The following OSBPL5 variants were observed in gnomAD, a reference collection of about 807,000 sequenced individuals.
The protein encoded by OSBPL5 is oxysterol binding protein like 5.
Under a neutral mutation model 111.2 loss-of-function variants are expected in OSBPL5, and 71 were observed. The ratio of observed to expected loss-of-function variants is 0.64; its 90% CI spans 0.53 to 0.78. The LOEUF (loss-of-function observed/expected upper bound fraction) is 0.78, where lower values mean the gene tolerates loss of function less well. Ranked by LOEUF, OSBPL5 falls within the 30% of genes least tolerant of loss-of-function variation. OSBPL5 has a pLI of 0.00. For synonymous variants in OSBPL5, 549 were observed against 513.9 expected (o/e 1.07, Z -0.93); for missense variants, 1,210 against 1,189.3 (o/e 1.02, Z -0.26).
At chr11:3,122,470 C>T (rs371383652) in intron 3 of OSBPL5, 42 bp from the exon 4 acceptor site, 54 of 1,589,108 alleles carry the variant, frequency 3.4e-5, no homozygotes, top group South Asian at 1.7e-4. Context: ...GCACAGGGGC[C>T]GGCCCAGGGC....
At chr11:3,149,310 G>C (rs1351590399) in intron 1 of OSBPL5, among the ~76,000 whole-genome samples, 6 of 152,190 alleles carry the variant, frequency 3.9e-5, no homozygotes. Context: ...GCATGGGCTG[G>C]GGGGGCAGTC....
At position 3,087,842 on chromosome 11, in the gene OSBPL5, T is replaced by C. The variant is rs78899285; in HGVS notation, c.*363A>G. Reference sequence around the variant, plus strand: ...CCACTCACTGCTGCTGGGGTGTGACTGTCCAGGGCCCCCACAGGCCCTCCC... The same window carrying C: ...CCACTCACTGCTGCTGGGGTGTGACCGTCCAGGGCCCCCACAGGCCCTCCC... On this transcript the variant is annotated 3_prime_UTR_variant, in exon 22 of 22. Transcript: ENST00000263650. The C allele has an allele frequency of 6.4e-4, 113 of 175,756 alleles. 1 individual carries two copies. Among genetic ancestry groups the C allele is most frequent in the Middle Eastern group, 4.6e-3 (2 of 432 alleles). The allele number at this position is 175,756 out of a possible 1,614,324, so 10.9% of individuals were successfully genotyped here. A position where few individuals can be genotyped will look rare whatever the true frequency, so the allele number is the denominator to read the frequency against.
Position 3,154,765 on chromosome 11 carries a change from G to T in OSBPL5, c.-22+10451C>A, listed in dbSNP as rs545560091. 6.6e-6 allele frequency among the ~76,000 whole-genome samples: 1 copy of T among 152,114 alleles called. No homozygotes were observed. Among genetic ancestry groups the T allele is most frequent in the East Asian group, 1.9e-4 (1 of 5,190 alleles). ...CTCAGCCCCTAGGACCTGAGAAAGC[G>T]GCTGTACTTGGAGATGGGGTCTTTA... On this transcript the variant is annotated intron_variant, in intron 1 of 21. Coordinates refer to ENST00000263650, the MANE Select transcript of OSBPL5 (RefSeq NM_020896.4). The surrounding 1 kb of genome is among the most constrained non-coding windows in gnomAD (Gnocchi z 4.9).
chr11:3,147,932 G>A (rs1373870020), intron 1 of OSBPL5, among the ~76,000 whole-genome samples: 3 of 152,052 alleles, frequency 2.0e-5, no homozygotes, highest in Non-Finnish European at 4.4e-5. Flanking sequence ...TGGCCTCACC[G>A]AGCTGCCCTC....
At position 3,142,624 on chromosome 11, in the gene OSBPL5, G is replaced by C. The variant is rs1053998307; in HGVS notation, c.-21-13455C>G. On this transcript the variant is annotated intron_variant, in intron 1 of 21. Transcript: ENST00000263650. The surrounding 1 kb of genome is among the most constrained non-coding windows in gnomAD (Gnocchi z 7.1). ...CACCGTCTCGCGGGTGGAGAGCCTGGGTGGTGCGTTTATCAACAGGACCGC... is the reference window on the plus strand; with the variant it reads ...CACCGTCTCGCGGGTGGAGAGCCTGCGTGGTGCGTTTATCAACAGGACCGC... 3.9e-5 allele frequency among the ~76,000 whole-genome samples: 6 copies of C among 152,222 alleles called. No homozygotes were observed. Among genetic ancestry groups the C allele is most frequent in the Admixed American group, 2.6e-4 (4 of 15,290 alleles).
At position 3,122,872 on chromosome 11, in the gene OSBPL5, C is replaced by T. The variant is rs187957724; in HGVS notation, c.220-444G>A. Among the ~76,000 whole-genome samples, 284 of 152,310 alleles carry T rather than the reference C, an allele frequency of 1.9e-3. 4 individuals carry two copies. The highest frequency in any genetic ancestry group is 9.3e-3 in the East Asian group (48 of 5,186). ...AGTTCGCAGAAGAGGAGCTCGGCGG[C>T]GGCCATGAGATGGTGGCAACAAGCA... On this transcript the variant is annotated intron_variant, in intron 3 of 21. Transcript: ENST00000263650.
In OSBPL5 at chr11:3,100,000, A is replaced by G. The variant is rs377427178; in HGVS notation, c.1621+158T>C. 8.1e-5 allele frequency among the ~76,000 whole-genome samples: 12 copies of G among 148,148 alleles called. No individual in the cohort carries two copies. In the East Asian group the frequency reaches 2.4e-3, roughly 30 times the overall value. On this transcript the variant is annotated intron_variant, in intron 14 of 21. Transcript: ENST00000263650. ...GCCATTGCACTCCAGCCTGGGCAAC[A>G]AGAGCGAAACTCCATCTCAAAAAAA...
At chr11:3,120,305 G>A in intron 6 of OSBPL5, 116 bp downstream of exon 6, 1 of 1,310,860 alleles carries the variant, frequency 7.6e-7, no homozygotes, top group Non-Finnish European at 1.0e-6. Context: ...TGAGACACCT[G>A]CTCAAGGCCC....
chr11:3,115,745 A>G (rs1398108546), intron 7 of OSBPL5, among the ~76,000 whole-genome samples: 1 of 152,252 alleles, frequency 6.6e-6, no homozygotes, highest in Non-Finnish European at 1.5e-5. Context: ...TGGAAGTTAT[A>G]TCTTATGATC....
chr11:3,089,971 AAAG>A (rs1857003110), intron 20 of OSBPL5, 23 bp from the exon 21 acceptor site: 3 of 1,499,834 alleles, frequency 2.0e-6, no homozygotes, highest in African/African-American at 2.8e-5. Flanking sequence ...CGAGTGAGAC[AAAG>A]GAGGGGAGGG....
intron 1 of OSBPL5, among the ~76,000 whole-genome samples, chr11:3,147,892 G>C (rs1846414572): frequency 6.6e-6 from 1 of 152,170 alleles, no homozygotes; most frequent in Non-Finnish European, 1.5e-5. Flanking sequence ...CCAAGAGCCT[G>C]TTCTTGCGAC....
intron 1 of OSBPL5, among the ~76,000 whole-genome samples, chr11:3,139,831 C>T (rs568217513): frequency 3.7e-4 from 56 of 152,370 alleles, no homozygotes; most frequent in African/African-American, 1.1e-3. Flanking sequence ...GGCCCAGCCA[C>T]GCGCCCTGAA....
intron 14 of OSBPL5, among the ~76,000 whole-genome samples, chr11:3,098,213 A>C (rs1301947257): frequency 6.6e-6 from 1 of 152,064 alleles, no homozygotes; most frequent in African/African-American, 2.4e-5. Context: ...AGTTAAAGAT[A>C]CATCTACATA....
chr11:3,141,901 C>T lies in OSBPL5; in HGVS notation c.-21-12732G>A, dbSNP rs1292422835. Among the ~76,000 whole-genome samples, 1 of 151,968 alleles carries T rather than the reference C, an allele frequency of 6.6e-6. No individual in the cohort carries two copies. The highest frequency in any genetic ancestry group is 2.4e-5 in the African/African-American group (1 of 41,392). On this transcript the variant is annotated intron_variant, in intron 1 of 21. Coordinates refer to ENST00000263650, the MANE Select transcript of OSBPL5 (RefSeq NM_020896.4). The surrounding 1 kb of genome is among the most constrained non-coding windows in gnomAD (Gnocchi z 6.5). ...CCACTTTCTCTCCATGTTACAGTTG[C>T]AGTTTCTTTTCTTTCTTTTTATTTT...
In OSBPL5 at chr11:3,142,676, T is replaced by C. The variant is rs890221201; in HGVS notation, c.-21-13507A>G. Among the ~76,000 whole-genome samples the C allele has an allele frequency of 1.3e-5, 2 of 152,136 alleles. No homozygotes were observed. The highest frequency in any genetic ancestry group is 4.8e-5 in the African/African-American group (2 of 41,428). ...GGTTTCATGTCTCTGTCTCTCCTCA[T>C]AGACCCACTCAGGTGGAGACCTGTC... On this transcript the variant is annotated intron_variant, in intron 1 of 21. Transcript: ENST00000263650. This position sits in a 1 kb window ranked among gnomAD's most constrained non-coding sequence, Gnocchi z 7.1.
chr11:3,147,450 C>T (rs530959722), intron 1 of OSBPL5, among the ~76,000 whole-genome samples: 3 of 152,378 alleles, frequency 2.0e-5, no homozygotes, highest in African/African-American at 7.2e-5. Flanking sequence ...CAGCCTCTCC[C>T]TCGTGCCCCA....
At chr11:3,136,981 C>T (rs903939699) in intron 1 of OSBPL5, among the ~76,000 whole-genome samples, 1 of 152,240 alleles carries the variant, frequency 6.6e-6, no homozygotes, top group Non-Finnish European at 1.5e-5. Flanking sequence ...AACATAAGCC[C>T]AAATGCTTGG....
At chr11:3,131,760 A>T (rs1202790657) in intron 1 of OSBPL5, among the ~76,000 whole-genome samples, 7 of 52,858 alleles carry the variant, frequency 1.3e-4, no homozygotes, top group Admixed American at 8.5e-4. Context: ...CCATCCATCC[A>T]CCATCTTCCC....
chr11:3,093,477 G>A (rs377467824), intron 17 of OSBPL5, 50 bp downstream of exon 17: 2 of 1,588,690 alleles, frequency 1.3e-6, no homozygotes, highest in Non-Finnish European at 1.7e-6. Context: ...TGCCTGCTTG[G>A]CCATGTCAGG....
Sources: gnomAD v4.1 joint callset for allele counts (sites outside exome capture counted in the v4.1 genomes callset) on GRCh38, gnomAD v4.1.1 for gene constraint, Gnocchi (gnomAD v3.1) non-coding constraint, MANE v1.5 for transcripts, NCBI Gene and HGNC (gene_info 2026-07-23, HGNC 2026-07-21) for gene names.